The following USP47 variants were observed in gnomAD, a reference collection of about 807,000 sequenced individuals.
The protein encoded by USP47 is ubiquitin specific peptidase 47, also known as ubiquitin carboxyl-terminal hydrolase 47.
In USP47, 35 loss-of-function variants were observed where a neutral mutation model predicts 165.1. That is an observed-to-expected ratio of 0.21 (90% CI 0.16 to 0.28). The LOEUF (loss-of-function observed/expected upper bound fraction) is 0.28. Ranked by LOEUF, USP47 falls within the 10% of genes least tolerant of loss-of-function variation. The pLI is 1.00. For synonymous variants in USP47, 531 were observed against 544.5 expected (o/e 0.98, Z 0.35); for missense variants, 1,277 against 1,607.4 (o/e 0.79, Z 3.52).
intron 1 of USP47, among the ~76,000 whole-genome samples, chr11:11,860,420 C>G (rs1590239906): frequency 6.6e-6 from 1 of 152,212 alleles, no homozygotes; most frequent in East Asian, 1.9e-4. Context: ...GTCCATTGTT[C>G]TTGTACCATA....
Position 11,865,632 on chromosome 11 carries a change from C to T in USP47, c.40-14545C>T, listed in dbSNP as rs956411792. On this transcript the variant is annotated intron_variant, in intron 1 of 27. Transcript: ENST00000527733. Reference sequence around the variant, plus strand: ...ATTTTACATTCCTACCAGCAATGCACAAGAGTTCCAGTTTCCCCACATCCT... The same window carrying T: ...ATTTTACATTCCTACCAGCAATGCATAAGAGTTCCAGTTTCCCCACATCCT... 2.6e-5 allele frequency among the ~76,000 whole-genome samples: 4 copies of T among 152,066 alleles called. No individual in the cohort carries two copies. The East Asian group carries it at 7.7e-4, about 29-fold the overall frequency.
chr11:11,944,551 G>A (rs923213885), intron 20 of USP47, among the ~76,000 whole-genome samples: 3 of 152,050 alleles, frequency 2.0e-5, no homozygotes, highest in Admixed American at 2.0e-4. Flanking sequence ...TGTTTCATTA[G>A]TTTTTTTAAC....
Position 11,956,239 on chromosome 11 carries a change from G to GT in USP47, c.*64_*65insT. ...TTTAATTAGATGGTTCACTACCACT[G>GT]GGTAGTGCCATTTTGGCCGGACATG... On this transcript the variant is annotated 3_prime_UTR_variant, in exon 28 of 28. Transcript: ENST00000527733. 1 of 1,569,026 alleles carries GT rather than the reference G, an allele frequency of 6.4e-7. No individual in the cohort carries two copies. The highest frequency in any genetic ancestry group is 8.7e-7 in the Non-Finnish European group (1 of 1,145,626).
chr11:11,846,177 G>A (rs181100231), intron 1 of USP47, among the ~76,000 whole-genome samples: 1 of 152,196 alleles, frequency 6.6e-6, no homozygotes, highest in Non-Finnish European at 1.5e-5. Context: ...GTAGTATATT[G>A]ATTTCTGCTT....
In USP47 at chr11:11,956,329, C is replaced by A; in HGVS notation, c.*154C>A. The A allele has an allele frequency of 1.6e-6, 1 of 617,214 alleles. No homozygotes were observed. The highest frequency in any genetic ancestry group is 2.7e-6 in the Non-Finnish European group (1 of 369,138). The allele number at this position is 617,214 out of a possible 1,614,324, so 38.2% of individuals were successfully genotyped here. ...CCTACACCAATCAGAAGCTCAGTGCCCAATGGGCCACTGTTTTGACTCGGA... is the reference window on the plus strand; with the variant it reads ...CCTACACCAATCAGAAGCTCAGTGCACAATGGGCCACTGTTTTGACTCGGA... On this transcript the variant is annotated 3_prime_UTR_variant, in exon 28 of 28. Coordinates refer to ENST00000527733, the MANE Select transcript of USP47 (RefSeq NM_001282659.2).
chr11:11,845,176 T>G (rs1056247104), intron 1 of USP47, among the ~76,000 whole-genome samples: 8 of 152,178 alleles, frequency 5.3e-5, no homozygotes, highest in Non-Finnish European at 8.8e-5. Flanking sequence ...CAGGATAAAT[T>G]TGAAATTACT....
At chr11:11,950,336 C>T (rs753808564) in intron 23 of USP47, 28 bp from the exon 24 acceptor site, 16 of 1,426,858 alleles carry the variant, frequency 1.1e-5, no homozygotes, top group East Asian at 2.4e-5. Context: ...AAATTATAGT[C>T]GTTTTAAATG....
rs182010936 is a variant in USP47, at chr11:11,890,233, G to A, written c.358-1735G>A. Among the ~76,000 whole-genome samples the A allele has an allele frequency of 1.6e-3, 243 of 152,242 alleles. 2 individuals are homozygous for A. Among genetic ancestry groups the A allele is most frequent in the African/African-American group, 5.1e-3 (212 of 41,530 alleles). ...AATTAAACTAAAGGGCTTCCACACA[G>A]CAAAAGAAACTATCATCAGAATGAC... On this transcript the variant is annotated intron_variant, in intron 3 of 27. Coordinates refer to ENST00000527733, the MANE Select transcript of USP47 (RefSeq NM_001282659.2).
intron 1 of USP47, among the ~76,000 whole-genome samples, chr11:11,861,069 A>G (rs889452946): frequency 2.0e-5 from 3 of 152,174 alleles, no homozygotes; most frequent in South Asian, 2.1e-4. Flanking sequence ...CTGATGTTCA[A>G]AGGTCCATCC....
intron 5 of USP47, among the ~76,000 whole-genome samples, chr11:11,898,712 TA>T (rs1852002987): frequency 6.6e-6 from 1 of 152,216 alleles, no homozygotes; most frequent in Non-Finnish European, 1.5e-5. Flanking sequence ...CATTAGAGTT[TA>T]AAGAGAAGAA....
At chr11:11,888,529 A>G (rs190672635) in intron 3 of USP47, among the ~76,000 whole-genome samples, 1 of 152,188 alleles carries the variant, frequency 6.6e-6, no homozygotes, top group Non-Finnish European at 1.5e-5. Context: ...AAATAGACCA[A>G]TTAAAAATTC....
At chr11:11,883,912 G>T (rs1274216205) in intron 2 of USP47, among the ~76,000 whole-genome samples, 1 of 152,026 alleles carries the variant, frequency 6.6e-6, no homozygotes, top group East Asian at 1.9e-4. Flanking sequence ...ACTGGGACAG[G>T]CTTTTCCTTA....
At chr11:11,945,972 A>C (rs1332929627) in intron 20 of USP47, among the ~76,000 whole-genome samples, 1 of 151,766 alleles carries the variant, frequency 6.6e-6, no homozygotes, top group African/African-American at 2.4e-5. Flanking sequence ...AAAAGGAAAA[A>C]GAATAAAAGA....
chr11:11,858,360 CT>C (rs1849182352), intron 1 of USP47, among the ~76,000 whole-genome samples: 1 of 152,040 alleles, frequency 6.6e-6, no homozygotes, highest in Non-Finnish European at 1.5e-5. Flanking sequence ...ATAAGTGAGA[CT>C]TTTTGTTTTT....
intron 3 of USP47, among the ~76,000 whole-genome samples, chr11:11,886,424 A>G (rs1373319419): frequency 6.6e-6 from 1 of 152,204 alleles, no homozygotes; most frequent in Non-Finnish European, 1.5e-5. Flanking sequence ...TGAAAAATAC[A>G]CTACAAGAAC....
chr11:11,932,828 C>T (rs1854772648), intron 14 of USP47, among the ~76,000 whole-genome samples, 176 bp from the exon 15 acceptor site: 1 of 152,108 alleles, frequency 6.6e-6, no homozygotes, highest in Non-Finnish European at 1.5e-5. Context: ...TGTTAACTGT[C>T]TCTTAACCCT....
chr11:11,887,404 A>G (rs1190363052), intron 3 of USP47, among the ~76,000 whole-genome samples: 1 of 152,168 alleles, frequency 6.6e-6, no homozygotes, highest in Non-Finnish European at 1.5e-5. Context: ...TGAATGGAAA[A>G]CAGAAAAAAG....
chr11:11,920,386 G>A lies in USP47; in HGVS notation c.1110G>A (p.Leu370=). The change falls in exon 10 of 28, where the codon CTG becomes CTA. Residue 370 remains leucine, a synonymous_variant. Coordinates refer to ENST00000527733, the MANE Select transcript of USP47 (RefSeq NM_001282659.2). Reference sequence around the variant, plus strand: ...TTCCTTATCTGCTGACCTTACAGCTGAAAAGATTCGATTTTGATTATACAA... The same window carrying A: ...TTCCTTATCTGCTGACCTTACAGCTAAAAAGATTCGATTTTGATTATACAA... ...LHFPYLLTLQ[L]KRFDFDYTTM... 1.2e-6 allele frequency: 2 copies of A among 1,610,648 alleles called. No homozygotes were observed. The highest frequency in any genetic ancestry group is 1.7e-6 in the Non-Finnish European group (2 of 1,178,182).
intron 4 of USP47, among the ~76,000 whole-genome samples, chr11:11,896,656 T>A (rs746947786): frequency 2.6e-5 from 4 of 152,166 alleles, no homozygotes; most frequent in Non-Finnish European, 4.4e-5. Context: ...TCAGATTCAA[T>A]CCCTGCTTTC....
Sources: allele counts gnomAD v4.1 joint callset (sites outside exome capture counted in the v4.1 genomes callset), GRCh38; gene constraint gnomAD v4.1.1; transcripts MANE v1.5; gene names NCBI Gene and HGNC (gene_info 2026-07-23, HGNC 2026-07-21).